Variants in ENTREP2 observed in about 807,000 individuals in gnomAD.
ENTREP2 encodes protein ENTREP2.
the ENTREP2 span, among the ~76,000 whole-genome samples, chr15:29,149,465 G>A: frequency 3.3e-5 from 5 of 152,228 alleles, no homozygotes; most frequent in Non-Finnish European, 5.9e-5. Flanking sequence ...GGTGAACTGC[G>A]GAAGCTACTG....
At chr15:29,279,871 A>T in the ENTREP2 span, among the ~76,000 whole-genome samples, 1 of 152,298 alleles carries the variant, frequency 6.6e-6, no homozygotes, top group Non-Finnish European at 1.5e-5. Context: ...GGGAGCAAGA[A>T]AGTCAGGTGG....
At chr15:29,587,797 T>A in the ENTREP2 span, among the ~76,000 whole-genome samples, 25,517 of 152,058 alleles carry the variant, frequency 0.17, 3,096 homozygotes, top group East Asian at 0.49. Flanking sequence ...TAGCTGGGAC[T>A]ACAGGCATGC....
the ENTREP2 span, among the ~76,000 whole-genome samples, chr15:29,220,223 T>A: frequency 6.6e-6 from 1 of 152,072 alleles, no homozygotes; most frequent in Non-Finnish European, 1.5e-5. Context: ...CCTAGAACCT[T>A]CAGGGACTTG....
the ENTREP2 span, among the ~76,000 whole-genome samples, chr15:29,540,035 T>C: frequency 6.6e-6 from 1 of 152,152 alleles, no homozygotes; most frequent in Non-Finnish European, 1.5e-5. Context: ...GCACCCAGGA[T>C]GTATGGGGAT....
the ENTREP2 span, among the ~76,000 whole-genome samples, chr15:29,207,999 G>A: frequency 6.6e-6 from 1 of 152,136 alleles, no homozygotes; most frequent in Non-Finnish European, 1.5e-5. Flanking sequence ...AAACCCCCAC[G>A]CTGGCCCCTC....
At chr15:29,355,149 C>T in the ENTREP2 span, among the ~76,000 whole-genome samples, 1 of 152,168 alleles carries the variant, frequency 6.6e-6, no homozygotes, top group South Asian at 2.1e-4. Flanking sequence ...CAGAGCCACT[C>T]CCTCCCTGTG....
the ENTREP2 span, among the ~76,000 whole-genome samples, chr15:29,401,767 G>A: frequency 2.6e-5 from 4 of 152,098 alleles, no homozygotes; most frequent in Admixed American, 6.6e-5. Context: ...AAAAGACTTC[G>A]GTATTTACAT....
At chr15:29,305,824 T>C in the ENTREP2 span, among the ~76,000 whole-genome samples, 1 of 152,150 alleles carries the variant, frequency 6.6e-6, no homozygotes, top group African/African-American at 2.4e-5. Flanking sequence ...GAACTAAAGA[T>C]AGTTTTTAAA....
At chr15:29,142,991 G>T in the ENTREP2 span, among the ~76,000 whole-genome samples, 4 of 152,300 alleles carry the variant, frequency 2.6e-5, no homozygotes, top group East Asian at 7.7e-4. Flanking sequence ...TATTAGAGTA[G>T]CTCAGCTTCA....
At chr15:29,322,412 A>G in the ENTREP2 span, among the ~76,000 whole-genome samples, 1 of 152,202 alleles carries the variant, frequency 6.6e-6, no homozygotes, top group African/African-American at 2.4e-5. Flanking sequence ...TCCCCTGACC[A>G]ACATCTCCTC....
chr15:29,392,135 GTA>G, the ENTREP2 span, among the ~76,000 whole-genome samples: 1 of 150,028 alleles, frequency 6.7e-6, no homozygotes, highest in Admixed American at 6.6e-5. Context: ...GCCTTTTTTT[GTA>G]TTTTTTAGTG....
chr15:29,674,470 A>G, the ENTREP2 span, among the ~76,000 whole-genome samples: 2 of 151,914 alleles, frequency 1.3e-5, no homozygotes, highest in Admixed American at 6.6e-5. Context: ...GGGTTTCACC[A>G]TGTTGGCCAG....
At chr15:29,512,487 T>C in the ENTREP2 span, among the ~76,000 whole-genome samples, 1 of 152,168 alleles carries the variant, frequency 6.6e-6, no homozygotes, top group Non-Finnish European at 1.5e-5. Context: ...AAAATTCGTA[T>C]GTTGAGGCAC....
At chr15:29,119,876 G>A in the ENTREP2 span, among the ~76,000 whole-genome samples, 103,788 of 152,006 alleles carry the variant, frequency 0.68, 38,408 homozygotes, top group Middle Eastern at 0.89. Context: ...AGCAGGTCCC[G>A]GGGAGAGAGC....
the ENTREP2 span, among the ~76,000 whole-genome samples, chr15:29,183,996 T>C: frequency 2.0e-5 from 3 of 152,218 alleles, no homozygotes; most frequent in Admixed American, 2.0e-4. Context: ...AACTTTTTTT[T>C]TTGAGACAGA....
At chr15:29,150,024 A>G in the ENTREP2 span, among the ~76,000 whole-genome samples, 9 of 152,332 alleles carry the variant, frequency 5.9e-5, no homozygotes, top group South Asian at 1.9e-3. Context: ...AAAGAGCCTC[A>G]GCCCACCGCG....
chr15:29,268,916 G>A, the ENTREP2 span: 159 of 1,614,116 alleles, frequency 9.9e-5, no homozygotes, highest in Non-Finnish European at 1.3e-4. Flanking sequence ...ACAAACTTAA[G>A]AACTTTCATC....
At chr15:29,645,409 A>G in the ENTREP2 span, among the ~76,000 whole-genome samples, 2 of 152,206 alleles carry the variant, frequency 1.3e-5, no homozygotes, top group East Asian at 1.9e-4. Flanking sequence ...GTCAGACATC[A>G]GGAGCATTTA....
chr15:29,140,760 T>A, the ENTREP2 span, among the ~76,000 whole-genome samples: 27 of 152,206 alleles, frequency 1.8e-4, no homozygotes, highest in African/African-American at 6.5e-4. Flanking sequence ...GCATGTTGAC[T>A]GCCAGGTATA....
Sources: gnomAD v4.1 joint callset for allele counts (sites outside exome capture counted in the v4.1 genomes callset) on GRCh38, gnomAD v4.1.1 for gene constraint, MANE v1.5 for transcripts, NCBI Gene and HGNC (gene_info 2026-07-23, HGNC 2026-07-21) for gene names.